Variants in SYNE2 observed in about 807,000 individuals in gnomAD.
SYNE2 encodes the protein spectrin repeat containing nuclear envelope protein 2.
A neutral mutation model predicts 856.3 loss-of-function variants in SYNE2; 431 were observed. The ratio of observed to expected loss-of-function variants is 0.50; its 90% CI spans 0.47 to 0.55. The LOEUF (loss-of-function observed/expected upper bound fraction) is 0.55. Ranked by LOEUF, SYNE2 falls within the 20% of genes least tolerant of loss-of-function variation. The pLI is 0.00. For missense variants in SYNE2, 8,129 were observed against 8,023.2 expected (o/e 1.01, Z -0.50); for synonymous variants, 2,923 against 2,872.3 (o/e 1.02, Z -0.56).
At chr14:63,990,074 A>G (rs973813376) in intron 19 of SYNE2, among the ~76,000 whole-genome samples, 2 of 152,224 alleles carry the variant, frequency 1.3e-5, no homozygotes, top group African/African-American at 4.8e-5. Flanking sequence ...AGTAACATTT[A>G]TTGAATTCTC....
At chr14:64,117,604 A>G (rs1394463704) in intron 66 of SYNE2, among the ~76,000 whole-genome samples, 1 of 152,112 alleles carries the variant, frequency 6.6e-6, no homozygotes, top group Non-Finnish European at 1.5e-5. Flanking sequence ...GCCTCAATTT[A>G]TGTTTTATCT....
At chr14:63,845,944 A>G (rs1460849027) in intron 1 of SYNE2, among the ~76,000 whole-genome samples, 3 of 151,232 alleles carry the variant, frequency 2.0e-5, no homozygotes, top group Admixed American at 6.6e-5. Flanking sequence ...AGGTTTCACC[A>G]TGTTGGCCAG....
At chr14:64,128,716 A>C (rs1219907925) in intron 74 of SYNE2, among the ~76,000 whole-genome samples, 163 bp downstream of exon 74, 1 of 152,174 alleles carries the variant, frequency 6.6e-6, no homozygotes, top group African/African-American at 2.4e-5. Flanking sequence ...ACATCTCCTA[A>C]TTTTCTGAAG....
At chr14:63,923,804 CTTT>C (rs527470602) in intron 2 of SYNE2, among the ~76,000 whole-genome samples, 1 of 144,704 alleles carries the variant, frequency 6.9e-6, no homozygotes, top group African/African-American at 2.5e-5. Flanking sequence ...GATTTTAGAA[CTTT>C]TTTTTTTTTT....
chr14:63,784,384 C>T (rs529341813), intron 1 of SYNE2, among the ~76,000 whole-genome samples: 14 of 152,060 alleles, frequency 9.2e-5, no homozygotes, highest in African/African-American at 3.4e-4. Flanking sequence ...GTAGTCCCAG[C>T]TGGTCGGGAG....
At chr14:64,043,666 A>G (rs990703543) in intron 45 of SYNE2, among the ~76,000 whole-genome samples, 2 of 152,212 alleles carry the variant, frequency 1.3e-5, no homozygotes, top group African/African-American at 4.8e-5. Context: ...GGCAGCTTCC[A>G]TGTGGTGTTG....
Position 64,126,746 on chromosome 14 carries a change from C to G in SYNE2, c.13856C>G (p.Ala4619Gly). ...NLQVCLEHTQ[A>G]AAVCRSKSLK... is the part of the protein sequence containing the mutation. Reference sequence around the variant, plus strand: ...CAAGTCTGCCTGGAGCACACTCAGGCTGCAGCTGTCTGTAGAAGCAAGTCC... The same window carrying G: ...CAAGTCTGCCTGGAGCACACTCAGGGTGCAGCTGTCTGTAGAAGCAAGTCC... Residue 4619 changes from alanine (A) to glycine (G), a missense_variant, in exon 73 of 116, where the codon GCT becomes GGT. Coordinates refer to ENST00000555002, the MANE Select transcript of SYNE2 (RefSeq NM_182914.3). 6.2e-7 allele frequency: 1 copy of G among 1,614,180 alleles called. No homozygotes were observed. Among genetic ancestry groups the G allele is most frequent in the Non-Finnish European group, 8.5e-7 (1 of 1,180,044 alleles).
intron 65 of SYNE2, 72 bp from the exon 66 acceptor site, chr14:64,113,269 A>C: frequency 6.2e-7 from 1 of 1,609,490 alleles, no homozygotes; most frequent in Non-Finnish European, 8.5e-7. Context: ...GAAATGTTGC[A>C]GGTTCCCAGG....
At chr14:64,149,684 T>TA (rs2098222361) in intron 84 of SYNE2, among the ~76,000 whole-genome samples, 1 of 152,222 alleles carries the variant, frequency 6.6e-6, no homozygotes, top group South Asian at 2.1e-4. Context: ...TTAGATATTT[T>TA]AAAAATATTT....
chr14:64,216,443 T>G (rs1185800004), intron 108 of SYNE2, 56 bp downstream of exon 108: 3 of 1,588,098 alleles, frequency 1.9e-6, no homozygotes, highest in Non-Finnish European at 2.6e-6. Flanking sequence ...TACTTACATT[T>G]GCAAGAGAGA....
In SYNE2 at chr14:64,126,783, C is replaced by G. The variant is rs1373607207; in HGVS notation, c.13893C>G (p.Gly4631=). 6.2e-7 allele frequency: 1 copy of G among 1,612,826 alleles called. No individual in the cohort carries two copies. Among genetic ancestry groups the G allele is most frequent in the Non-Finnish European group, 8.5e-7 (1 of 1,180,030 alleles). ...GTAGAAGCAAGTCCCTGAAAGCTGGCCTCGATTACAACCGCAGTTACCAGG... is the reference window on the plus strand; with the variant it reads ...GTAGAAGCAAGTCCCTGAAAGCTGGGCTCGATTACAACCGCAGTTACCAGG... ...AVCRSKSLKA[G]LDYNRSYQNE... is the part of the protein sequence containing the mutation. The change falls in exon 73 of 116, where the codon GGC becomes GGG. Residue 4631 remains glycine, a synonymous_variant. Coordinates refer to ENST00000555002, the MANE Select transcript of SYNE2 (RefSeq NM_182914.3).
At chr14:63,946,994 T>G (rs1020575933) in intron 6 of SYNE2, among the ~76,000 whole-genome samples, 12 of 151,972 alleles carry the variant, frequency 7.9e-5, no homozygotes, top group African/African-American at 2.9e-4. Flanking sequence ...GGGCTACAGG[T>G]GTACACCACC....
At position 64,013,499 on chromosome 14, in the gene SYNE2, G is replaced by A. The variant is rs1174685671; in HGVS notation, c.4729-2974G>A. The stretch of plus-strand genomic sequence containing the variant: ...CACTCCCACTGTCTCACCTTTTATA[G>A]TCCCCAAGGCCTATTATTCCACTCC... On this transcript the variant is annotated intron_variant, in intron 32 of 115. Transcript: ENST00000555002. 2.0e-5 allele frequency among the ~76,000 whole-genome samples: 3 copies of A among 152,122 alleles called. No homozygotes were observed. The East Asian group carries it at 5.8e-4, about 29-fold the overall frequency.
intron 39 of SYNE2, 44 bp downstream of exon 39, chr14:64,024,503 T>A (rs777783802): frequency 6.3e-7 from 1 of 1,578,084 alleles, no homozygotes; most frequent in South Asian, 1.1e-5. Context: ...TTTCTAACCA[T>A]ATCTTTATTT....
intron 6 of SYNE2, among the ~76,000 whole-genome samples, chr14:63,948,687 T>G (rs2096076350): frequency 8.3e-6 from 1 of 120,544 alleles, no homozygotes; most frequent in African/African-American, 2.8e-5. Flanking sequence ...TATATATATG[T>G]GTGTATATAT....
chr14:63,992,911 G>C (rs922226470), intron 21 of SYNE2, among the ~76,000 whole-genome samples: 2 of 152,322 alleles, frequency 1.3e-5, no homozygotes, highest in Non-Finnish European at 1.5e-5. Flanking sequence ...GTGAATGAGC[G>C]AATTCCCACC....
intron 84 of SYNE2, among the ~76,000 whole-genome samples, chr14:64,152,123 G>A (rs1375258076): frequency 6.6e-6 from 1 of 152,174 alleles, no homozygotes; most frequent in Non-Finnish European, 1.5e-5. Context: ...CAGTTATATC[G>A]TCTGTCATTT....
At chr14:63,790,644 G>C (rs540749347) in intron 1 of SYNE2, among the ~76,000 whole-genome samples, 1 of 152,284 alleles carries the variant, frequency 6.6e-6, no homozygotes, top group Non-Finnish European at 1.5e-5. Context: ...TGATGAGGGA[G>C]TGGTGTGAAT....
At chr14:64,093,273 G>T in intron 60 of SYNE2, 76 bp from the exon 61 acceptor site, 1 of 1,558,134 alleles carries the variant, frequency 6.4e-7, no homozygotes. Context: ...ACTTCCATGG[G>T]GCTAGACAAT....
Sources: allele counts gnomAD v4.1 joint callset (sites outside exome capture counted in the v4.1 genomes callset), GRCh38; gene constraint gnomAD v4.1.1; transcripts MANE v1.5; gene names NCBI Gene and HGNC (gene_info 2026-07-23, HGNC 2026-07-21).